Variants in NOS1 observed in about 807,000 individuals in gnomAD.
NOS1 encodes the protein NOS type I.
In NOS1, 51 loss-of-function variants were observed where a neutral mutation model predicts 164.5. The observed-to-expected ratio is 0.31, with a 90% confidence interval of 0.25 to 0.39. NOS1 has a LOEUF of 0.39. NOS1 is among the 10% of genes least tolerant of loss of function. The pLI is 1.00. For synonymous variants in NOS1, 719 were observed against 745.8 expected (o/e 0.96, Z 0.59); for missense variants, 1,362 against 1,885.6 (o/e 0.72, Z 5.14).
Position 117,209,629 on chromosome 12 carries a change from A to G in NOS1, c.*5680T>C. On this transcript the variant is annotated 3_prime_UTR_variant, in exon 29 of 29. Transcript: ENST00000317775. ...TAGAACAAAACAAACTCATATAAAC[A>G]TACTAAGGCATATTGACAGCTGACC... 1 of 985,488 alleles carries G rather than the reference A, an allele frequency of 1.0e-6. No homozygotes were observed. The highest frequency in any genetic ancestry group is 1.2e-6 in the Non-Finnish European group (1 of 829,944). The allele number at this position is 985,488 out of a possible 1,614,324, so 61.0% of individuals were successfully genotyped here.
intron 3 of NOS1, among the ~76,000 whole-genome samples, chr12:117,303,208 C>T (rs1873940650): frequency 6.6e-6 from 1 of 152,146 alleles, no homozygotes; most frequent in Admixed American, 6.5e-5. Flanking sequence ...TGGTTTTCAG[C>T]AAGGCCAGCA....
intron 13 of NOS1, 129 bp downstream of exon 13, chr12:117,263,760 G>T: frequency 1.5e-6 from 1 of 676,284 alleles, no homozygotes; most frequent in Non-Finnish European, 2.6e-6. Flanking sequence ...GGCCCAGGTG[G>T]CTGAAGAAGA....
In NOS1 at chr12:117,210,717, A is replaced by G; in HGVS notation, c.*4592T>C. The G allele has an allele frequency of 1.0e-6, 1 of 985,384 alleles. No individual in the cohort carries two copies. The highest frequency in any genetic ancestry group is 5.2e-4 in the Middle Eastern group (1 of 1,914). The allele number at this position is 985,384 out of a possible 1,614,324, so 61.0% of individuals were successfully genotyped here. ...AGACCTGACCTCTTTCAAAGTCCAG[A>G]GCAGGCAGCTGCTGAAAGCGTGTTT... On this transcript the variant is annotated 3_prime_UTR_variant, in exon 29 of 29. Transcript: ENST00000317775.
chr12:117,257,696 CT>C (rs1226400494), intron 16 of NOS1, among the ~76,000 whole-genome samples: 1 of 149,850 alleles, frequency 6.7e-6, no homozygotes, highest in Admixed American at 6.7e-5. Flanking sequence ...CTGGCTCAGC[CT>C]CCAGAGTAGC....
At chr12:117,319,088 G>A (rs1007909544) in intron 2 of NOS1, among the ~76,000 whole-genome samples, 3 of 152,114 alleles carry the variant, frequency 2.0e-5, no homozygotes, top group Non-Finnish European at 4.4e-5. Context: ...TATTTTTAGA[G>A]ACAAGGTCTC....
At chr12:117,221,039 C>A (rs996954951) in intron 26 of NOS1, among the ~76,000 whole-genome samples, 1 of 152,130 alleles carries the variant, frequency 6.6e-6, no homozygotes, top group Admixed American at 6.5e-5. Context: ...TCCCTGGGAC[C>A]CCCAGACCTC....
intron 1 of NOS1, among the ~76,000 whole-genome samples, chr12:117,359,873 GTTTT>G (rs1877034330): frequency 2.9e-5 from 1 of 33,958 alleles, no homozygotes; most frequent in Non-Finnish European, 5.7e-5. Flanking sequence ...TACAATAATG[GTTTT>G]ATATATATAT....
At chr12:117,326,660 A>T (rs1324843007) in intron 2 of NOS1, among the ~76,000 whole-genome samples, 1 of 152,210 alleles carries the variant, frequency 6.6e-6, no homozygotes, top group Non-Finnish European at 1.5e-5. Context: ...GAGGGCCGCA[A>T]GGGATGAGGG....
chr12:117,353,797 C>T (rs1310427479), intron 1 of NOS1, among the ~76,000 whole-genome samples: 1 of 152,078 alleles, frequency 6.6e-6, no homozygotes, highest in Non-Finnish European at 1.5e-5. Flanking sequence ...TAGCCCTCCT[C>T]TAAACGAAAA....
At position 117,330,994 on chromosome 12, in the gene NOS1, C is replaced by T; in HGVS notation, c.76G>A (p.Gly26Arg). Residue 26 changes from glycine to arginine, a missense_variant, in exon 2 of 29, where the codon GGG becomes AGG. Physicochemically the swap from Gly to Arg is moderately radical, Grantham distance 125. Transcript: ENST00000317775. This position sits in a 1 kb window ranked among gnomAD's most constrained non-coding sequence, Gnocchi z 4.6. ...TCCTTCACCAGAAATCCCAGGCCCC[C>T]AACTTTGCGCTTGAAGAGACGAACA... ...ISVRLFKRKV[G>R]GLGFLVKERV... is the part of the protein sequence containing the mutation. 1 of 1,614,182 alleles carries T rather than the reference C, an allele frequency of 6.2e-7. No individual in the cohort carries two copies. The highest frequency in any genetic ancestry group is 8.5e-7 in the Non-Finnish European group (1 of 1,180,038).
Position 117,211,322 on chromosome 12 carries a change from G to A in NOS1, c.*3987C>T. On this transcript the variant is annotated 3_prime_UTR_variant, in exon 29 of 29. Transcript: ENST00000317775. ...CAATGGATGGGGTGCCAGGTACGCT[G>A]ATTCAGTTCCTGGAGTCTCTTTATC... 1.0e-6 allele frequency: 1 copy of A among 985,336 alleles called. No individual in the cohort carries two copies. The highest frequency in any genetic ancestry group is 4.7e-5 in the South Asian group (1 of 21,270). The allele number at this position is 985,336 out of a possible 1,614,324, so 61.0% of individuals were successfully genotyped here.
intron 17 of NOS1, among the ~76,000 whole-genome samples, chr12:117,248,423 A>C (rs1870823856): frequency 1.3e-5 from 2 of 148,478 alleles, no homozygotes; most frequent in African/African-American, 2.5e-5. Flanking sequence ...TTCAATTCCC[A>C]CCTATGAGTG....
chr12:117,215,545 G>A (rs1251097892), intron 28 of NOS1, among the ~76,000 whole-genome samples: 2 of 151,518 alleles, frequency 1.3e-5, no homozygotes, highest in Admixed American at 6.6e-5. Context: ...CGATTCTCCT[G>A]CTTTAGCCTC....
chr12:117,324,736 T>TAAATAAATAAATAAAA (rs1050418287), intron 2 of NOS1, among the ~76,000 whole-genome samples: 4 of 151,830 alleles, frequency 2.6e-5, no homozygotes, highest in African/African-American at 9.7e-5. Context: ...AATAAATAAA[T>TAAATAAATAAATAAAA]AAAGTGACTG....
chr12:117,323,814 C>T (rs1197961742), intron 2 of NOS1, among the ~76,000 whole-genome samples: 1 of 152,124 alleles, frequency 6.6e-6, no homozygotes, highest in Non-Finnish European at 1.5e-5. Flanking sequence ...CAGAATTTGA[C>T]TCTGTCACGC....
chr12:117,311,388 C>A, intron 3 of NOS1, 78 bp downstream of exon 3: 1 of 1,474,814 alleles, frequency 6.8e-7, no homozygotes, highest in Non-Finnish European at 9.1e-7. Context: ...TTTAGCTTCC[C>A]TCCCCTCAGC....
chr12:117,304,992 T>C (rs1874058657), intron 3 of NOS1: 1 of 985,138 alleles, frequency 1.0e-6, no homozygotes, highest in South Asian at 4.7e-5. Context: ...TATTGCCTTT[T>C]GCCCAGTCCT....
intron 7 of NOS1, among the ~76,000 whole-genome samples, chr12:117,281,287 C>T (rs376776041): frequency 6.3e-4 from 96 of 151,916 alleles, no homozygotes; most frequent in African/African-American, 2.0e-3. Context: ...TTTGGGAGGC[C>T]GAGGCGGGTG....
At chr12:117,220,918 T>G (rs1956692989) in intron 26 of NOS1, among the ~76,000 whole-genome samples, 1 of 152,042 alleles carries the variant, frequency 6.6e-6, no homozygotes, top group African/African-American at 2.4e-5. Context: ...AGCTGGAACA[T>G]GCTGGTATGG....
Sources: allele counts gnomAD v4.1 joint callset (sites outside exome capture counted in the v4.1 genomes callset), GRCh38; gene constraint gnomAD v4.1.1; non-coding constraint Gnocchi (gnomAD v3.1); transcripts MANE v1.5; gene names NCBI Gene and HGNC (gene_info 2026-07-23, HGNC 2026-07-21).